Variants in DMD observed in about 807,000 individuals in gnomAD.
DMD encodes dystrophin.
In DMD, 63 loss-of-function variants were observed where a neutral mutation model predicts 330.1. That is an observed-to-expected ratio of 0.19 (90% CI 0.16 to 0.24). The LOEUF (loss-of-function observed/expected upper bound fraction) is 0.24. Ranked by LOEUF, DMD falls within the 10% of genes least tolerant of loss-of-function variation. The pLI is 1.00. For missense variants in DMD, 3,344 were observed against 2,684.1 expected, an observed-to-expected ratio of 1.25 and a Z score of -5.43; for synonymous variants, 1,223 against 959.8, an observed-to-expected ratio of 1.27 and a Z score of -5.07.
chrX:31,199,568 G>A (rs1569454906), intron 67 of DMD, among the ~76,000 whole-genome samples: 1 of 111,962 alleles, frequency 8.9e-6, no homozygotes, highest in Non-Finnish European at 1.9e-5. Context: ...AGTGGTTAGT[G>A]GGGAGGGATA....
chrX:32,573,897 T>A, intron 13 of DMD, 51 bp from the exon 14 acceptor site: 2 of 1,062,138 alleles, frequency 1.9e-6, no homozygotes, highest in Non-Finnish European at 2.6e-6. Context: ...GGTAACTACG[T>A]TTTATTAAAA....
intron 1 of DMD, among the ~76,000 whole-genome samples, chrX:33,135,045 T>C (rs1190744069): frequency 8.9e-6 from 1 of 112,215 alleles, no homozygotes; most frequent in African/African-American, 3.2e-5. Context: ...CACTAGTTTC[T>C]TCATATCACC....
In DMD at chrX:31,726,206, AC is replaced by A. The variant is rs754743380; in HGVS notation, c.7660+3424del. Among the ~76,000 whole-genome samples the A allele has an allele frequency of 6.2e-5, 7 of 112,557 alleles. No individual in the cohort carries two copies. In the South Asian group the frequency reaches 2.6e-3, roughly 41 times the overall value. On this transcript the variant is annotated intron_variant, in intron 52 of 78. Transcript: ENST00000357033. ...TAATTACCTGAATACAACAGATACC[AC>A]GGTAATAGTTTCATATAGTAAAACA...
intron 1 of DMD, among the ~76,000 whole-genome samples, chrX:33,098,286 C>T (rs2095196883): frequency 8.9e-6 from 1 of 111,873 alleles, no homozygotes; most frequent in African/African-American, 3.2e-5. Context: ...TCAAAGAATA[C>T]TGACAATGCC....
At chrX:32,197,552 C>A (rs2097012134) in intron 44 of DMD, among the ~76,000 whole-genome samples, 1 of 111,526 alleles carries the variant, frequency 9.0e-6, no homozygotes, top group African/African-American at 3.3e-5. Context: ...GGGTCAATAG[C>A]ATGCAAATAT....
chrX:33,197,800 G>A (rs1248091251), intron 1 of DMD, among the ~76,000 whole-genome samples: 1 of 111,104 alleles, frequency 9.0e-6, no homozygotes, highest in African/African-American at 3.3e-5. Flanking sequence ...GTAGTATTTA[G>A]TGGTATGAGT....
intron 16 of DMD, among the ~76,000 whole-genome samples, chrX:32,558,628 A>C (rs1042877662): frequency 2.7e-5 from 3 of 111,643 alleles, no homozygotes; most frequent in Non-Finnish European, 5.6e-5. Flanking sequence ...TAAGTACTCC[A>C]GAGTTTCACA....
chrX:31,442,611 T>A lies in DMD; in HGVS notation c.9084+1870A>T, dbSNP rs565873787. Among the ~76,000 whole-genome samples the A allele has an allele frequency of 9.9e-5, 11 of 111,336 alleles. No homozygotes were observed. The South Asian group carries it at 4.2e-3, about 42-fold the overall frequency. ...CCTCATTTGGAAATCTACCTGCCAC[T>A]GTCACAAATCTTTTACCACGTTCTG... On this transcript the variant is annotated intron_variant, in intron 60 of 78. Transcript: ENST00000357033.
intron 55 of DMD, among the ~76,000 whole-genome samples, chrX:31,523,156 G>T (rs2072984376): frequency 9.0e-6 from 1 of 111,227 alleles, no homozygotes; most frequent in Non-Finnish European, 1.9e-5. Flanking sequence ...AAGTGATGCC[G>T]ATACTGCTAG....
intron 21 of DMD, among the ~76,000 whole-genome samples, chrX:32,477,921 C>G (rs1176239037): frequency 9.0e-6 from 1 of 111,414 alleles, no homozygotes; most frequent in Non-Finnish European, 1.9e-5. Flanking sequence ...AAAGACACAC[C>G]AGATATTGGA....
intron 25 of DMD, among the ~76,000 whole-genome samples, chrX:32,462,832 A>C (rs967140204): frequency 9.1e-6 from 1 of 110,439 alleles, no homozygotes; most frequent in Non-Finnish European, 1.9e-5. Context: ...GGTGGCACAC[A>C]CCTGTACTTC....
intron 2 of DMD, among the ~76,000 whole-genome samples, chrX:32,870,239 A>G (rs1005657388): frequency 9.0e-6 from 1 of 111,453 alleles, no homozygotes; most frequent in South Asian, 3.8e-4. Flanking sequence ...GGCTAAGTGC[A>G]CCACCTCTTC....
chrX:32,326,622 G>T, intron 41 of DMD, among the ~76,000 whole-genome samples: 1 of 111,976 alleles, frequency 8.9e-6, no homozygotes, highest in Middle Eastern at 4.7e-3. Flanking sequence ...AAAGATCCTT[G>T]GGCTGGGCGC....
rs938716811 is a variant in DMD, at chrX:32,729,790, T to G, written c.650-30497A>C. Reference sequence around the variant, plus strand: ...TAAATATGTGTGTTATTCTTTTGACTTTCCTATCAAAGTAAAAACGTTGTC... The same window carrying G: ...TAAATATGTGTGTTATTCTTTTGACGTTCCTATCAAAGTAAAAACGTTGTC... On this transcript the variant is annotated intron_variant, in intron 7 of 78. Transcript: ENST00000357033. 2.1e-4 allele frequency among the ~76,000 whole-genome samples: 24 copies of G among 112,152 alleles called. No individual in the cohort carries two copies. The Admixed American group carries it at 2.3e-3, about 11-fold the overall frequency.
chrX:32,542,589 T>C (rs1021730057), intron 17 of DMD, among the ~76,000 whole-genome samples: 11 of 112,090 alleles, frequency 9.8e-5, no homozygotes, highest in African/African-American at 3.6e-4. Flanking sequence ...TAAAACACTA[T>C]TCAACAGATG....
At chrX:32,379,605 A>G (rs1046570292) in intron 34 of DMD, among the ~76,000 whole-genome samples, 16 of 111,863 alleles carry the variant, frequency 1.4e-4, no homozygotes, top group African/African-American at 4.5e-4. Context: ...GAAATATTTT[A>G]TGTAACAAAA....
intron 55 of DMD, among the ~76,000 whole-genome samples, chrX:31,522,363 C>CTCTCTCTCTCTCTCTATATATA: frequency 9.7e-4 from 35 of 35,956 alleles, no homozygotes; most frequent in Admixed American, 2.1e-3. Flanking sequence ...CTCTCTCTCT[C>CTCTCTCTCTCTCTCTATATATA]TATATATATA....
At chrX:32,001,072 T>G (rs745591774) in intron 44 of DMD, among the ~76,000 whole-genome samples, 1 of 111,371 alleles carries the variant, frequency 9.0e-6, no homozygotes, top group Admixed American at 9.5e-5. Flanking sequence ...AGATTAAAAG[T>G]GCTTTTACCT....
intron 48 of DMD, among the ~76,000 whole-genome samples, chrX:31,869,840 A>C (rs112608323): frequency 0.025 from 2,741 of 111,395 alleles, 88 homozygotes; most frequent in African/African-American, 0.085. Flanking sequence ...TCGGATTGCT[A>C]CTGCCATCCT....
Sources: gnomAD v4.1 joint callset for allele counts (sites outside exome capture counted in the v4.1 genomes callset) on GRCh38, gnomAD v4.1.1 for gene constraint, MANE v1.5 for transcripts, NCBI Gene and HGNC (gene_info 2026-07-23, HGNC 2026-07-21) for gene names.